Variants in CTNNA2 observed in about 807,000 individuals in gnomAD.
CTNNA2 encodes the protein catenin alpha 2.
In CTNNA2, 42 loss-of-function variants were observed where a neutral mutation model predicts 101.0. The observed-to-expected ratio is 0.42, with a 90% CI of 0.32 to 0.54. The LOEUF is 0.54. Ranked by LOEUF, CTNNA2 falls within the 20% of genes least tolerant of loss-of-function variation. The pLI is 0.14. For synonymous variants in CTNNA2, 450 were observed against 456.4 expected (o/e 0.99, Z 0.18); for missense variants, 871 against 1,223.1 (o/e 0.71, Z 4.29).
chr2:79,934,460 T>A (rs1479097720), intron 7 of CTNNA2, among the ~76,000 whole-genome samples: 8 of 152,210 alleles, frequency 5.3e-5, no homozygotes, highest in Admixed American at 5.2e-4. Flanking sequence ...ATAAATAAAT[T>A]GAGGCTCAAA....
chr2:79,947,044 T>C (rs1688542394), intron 7 of CTNNA2, among the ~76,000 whole-genome samples: 1 of 152,228 alleles, frequency 6.6e-6, no homozygotes, highest in South Asian at 2.1e-4. Flanking sequence ...CTGGCATATA[T>C]AAATTATATT....
chr2:79,242,351 AT>A (rs991351511), intron 2 of CTNNA2, among the ~76,000 whole-genome samples: 1 of 152,066 alleles, frequency 6.6e-6, no homozygotes, highest in African/African-American at 2.4e-5. Context: ...CAAAATACTA[AT>A]TTTTTTGTTT....
At position 80,588,904 on chromosome 2, in the gene CTNNA2, C is replaced by G. The variant is rs577363822; in HGVS notation, c.2008-400C>G. Among the ~76,000 whole-genome samples the G allele has an allele frequency of 5.9e-5, 9 of 152,160 alleles. No individual in the cohort carries two copies. The East Asian group carries it at 1.5e-3, about 26-fold the overall frequency. On this transcript the variant is annotated intron_variant, in intron 14 of 18. Coordinates refer to ENST00000402739, the MANE Select transcript of CTNNA2 (RefSeq NM_001282597.3). ...TTTCCAGCGACAGAAGGCCGTTTTT[C>G]TTTTTTTCCCTTCTCTGAACAGATT...
intron 15 of CTNNA2, among the ~76,000 whole-genome samples, chr2:80,598,513 A>G (rs1391116925): frequency 1.3e-5 from 2 of 152,192 alleles, no homozygotes; most frequent in East Asian, 1.9e-4. Context: ...TACAGGACCC[A>G]GATATTTTGC....
At chr2:80,145,101 G>A (rs936848508) in intron 7 of CTNNA2, among the ~76,000 whole-genome samples, 1 of 152,154 alleles carries the variant, frequency 6.6e-6, no homozygotes, top group Non-Finnish European at 1.5e-5. Context: ...AGAAAATCTT[G>A]AAACTGTAAA....
chr2:80,335,794 A>G (rs1226037670), intron 7 of CTNNA2, among the ~76,000 whole-genome samples: 2 of 152,152 alleles, frequency 1.3e-5, no homozygotes, highest in African/African-American at 4.8e-5. Flanking sequence ...AAGGCTTCTG[A>G]CCATTTGATC....
At chr2:79,580,112 T>G (rs1382758548) in intron 1 of CTNNA2, among the ~76,000 whole-genome samples, 1 of 152,162 alleles carries the variant, frequency 6.6e-6, no homozygotes, top group African/African-American at 2.4e-5. Flanking sequence ...ATCTCTTGAT[T>G]AGATATTGGA....
At chr2:79,475,198 T>C (rs1020009967) in intron 4 of CTNNA2, among the ~76,000 whole-genome samples, 2 of 152,034 alleles carry the variant, frequency 1.3e-5, no homozygotes, top group Non-Finnish European at 1.5e-5. Flanking sequence ...TTTTATTTCA[T>C]AGGACTCTGT....
Position 80,020,172 on chromosome 2 carries a change from G to A in CTNNA2, c.1056+110375G>A, listed in dbSNP as rs144719148. Among the ~76,000 whole-genome samples the A allele has an allele frequency of 1.2e-4, 19 of 152,230 alleles. No homozygotes were observed. In the East Asian group the frequency reaches 1.7e-3, roughly 14 times the overall value. On this transcript the variant is annotated intron_variant, in intron 7 of 18. Transcript: ENST00000402739. The stretch of plus-strand genomic sequence containing the variant: ...TTGCAAATATGATATTTTCATTTGC[G>A]GTATTGTACAAACCAAGCACATCAA...
intron 3 of CTNNA2, among the ~76,000 whole-genome samples, chr2:79,801,887 G>T (rs1403749195): frequency 6.6e-6 from 1 of 151,516 alleles, no homozygotes; most frequent in African/African-American, 2.4e-5. Context: ...AGCTACTCGG[G>T]AGGCTGAGGC....
chr2:80,448,634 G>A (rs1683251154), intron 9 of CTNNA2, among the ~76,000 whole-genome samples: 2 of 152,102 alleles, frequency 1.3e-5, no homozygotes, highest in South Asian at 4.1e-4. Flanking sequence ...AACACCAGCT[G>A]CACTATTTGC....
intron 2 of CTNNA2, among the ~76,000 whole-genome samples, chr2:79,244,247 C>G (rs559439939): frequency 6.2e-4 from 94 of 152,282 alleles, no homozygotes; most frequent in African/African-American, 2.0e-3. Context: ...AGAACTCCAC[C>G]TGCAATTTAA....
At chr2:79,971,438 G>A (rs150544166) in intron 7 of CTNNA2, among the ~76,000 whole-genome samples, 5 of 151,956 alleles carry the variant, frequency 3.3e-5, no homozygotes, top group Non-Finnish European at 5.9e-5. Context: ...ACAGTGCCTC[G>A]ATAAAGAATA....
intron 1 of CTNNA2, among the ~76,000 whole-genome samples, chr2:79,646,672 A>G (rs1256184897): frequency 2.6e-5 from 4 of 151,656 alleles, no homozygotes; most frequent in Admixed American, 6.6e-5. Flanking sequence ...TGGGACTACA[A>G]TATTGTGCCA....
At chr2:79,541,283 G>A (rs1343067039) in intron 1 of CTNNA2, among the ~76,000 whole-genome samples, 2 of 150,538 alleles carry the variant, frequency 1.3e-5, no homozygotes, top group Non-Finnish European at 3.0e-5. Flanking sequence ...GAATAGAATG[G>A]AGCTGCTTTA....
chr2:80,080,884 G>A (rs1310570265), intron 7 of CTNNA2, among the ~76,000 whole-genome samples: 1 of 143,796 alleles, frequency 7.0e-6, no homozygotes, highest in Non-Finnish European at 1.5e-5. Context: ...TCAGGACACA[G>A]CAGTCTAGTT....
rs574286913 is a variant in CTNNA2 at position 79,191,906 on chromosome 2, C to G, written c.-523-6053C>G. On this transcript the variant is annotated intron_variant, in intron 1 of 21. Transcript: ENST00000466387. ...ATATGTGAAAATGTGAAATGGAGGA[C>G]GCAGAGATGCCTCACACAACCTCCA... Among the ~76,000 whole-genome samples the G allele has an allele frequency of 2.6e-5, 4 of 152,148 alleles. No individual in the cohort carries two copies. In the East Asian group the frequency reaches 5.8e-4, roughly 22 times the overall value.
At chr2:79,547,549 C>T (rs1254852607) in intron 1 of CTNNA2, 1 of 152,186 alleles carries the variant, frequency 6.6e-6, no homozygotes, top group Non-Finnish European at 1.5e-5. Context: ...ATTTTTTAGT[C>T]TTTGTATTAT....
chr2:79,968,278 G>A (rs184187941), intron 7 of CTNNA2, among the ~76,000 whole-genome samples: 32 of 152,210 alleles, frequency 2.1e-4, no homozygotes, highest in African/African-American at 7.5e-4. Context: ...CCTGCTCTAT[G>A]TGTTGGTCAT....
Sources: allele counts gnomAD v4.1 joint callset (sites outside exome capture counted in the v4.1 genomes callset), GRCh38; gene constraint gnomAD v4.1.1; transcripts MANE v1.5; gene names NCBI Gene and HGNC (gene_info 2026-07-23, HGNC 2026-07-21).